Variants in SYNE1 observed in about 807,000 individuals in gnomAD.
SYNE1 encodes nesprin-1.
In SYNE1, 616 loss-of-function variants were observed where a neutral mutation model predicts 1,111.0. The observed-to-expected ratio is 0.55, with a 90% CI of 0.52 to 0.59. The LOEUF (loss-of-function observed/expected upper bound fraction) is 0.59. Ranked by LOEUF, SYNE1 falls within the 20% of genes least tolerant of loss-of-function variation. SYNE1 has a pLI of 0.00. For missense variants in SYNE1, 10,006 were observed against 10,417.0 expected, an observed-to-expected ratio of 0.96 and a Z score of 1.72; for synonymous variants, 3,855 against 3,825.8, an observed-to-expected ratio of 1.01 and a Z score of -0.28.
intron 111 of SYNE1, 36 bp from the exon 112 acceptor site, chr6:152,233,999 T>C (rs1395035758): frequency 3.7e-6 from 6 of 1,606,328 alleles, no homozygotes; most frequent in Non-Finnish European, 5.1e-6. Flanking sequence ...TAGGGTTAAA[T>C]AGCTAGACCA....
At chr6:152,541,531 G>A (rs552593650) in intron 3 of SYNE1, among the ~76,000 whole-genome samples, 17 of 152,030 alleles carry the variant, frequency 1.1e-4, no homozygotes, top group African/African-American at 1.4e-4. Context: ...GGCAGATTAC[G>A]AGGTCAGGAG....
At chr6:152,350,510 A>C in intron 71 of SYNE1, 108 bp downstream of exon 71, 1 of 1,532,158 alleles carries the variant, frequency 6.5e-7, no homozygotes, top group Non-Finnish European at 9.0e-7. Context: ...TGAATAAAAA[A>C]AAATACTAAC....
At chr6:152,184,631 T>TATAG (rs59272369) in intron 128 of SYNE1, among the ~76,000 whole-genome samples, 18,305 of 142,894 alleles carry the variant, frequency 0.13, 1,174 homozygotes, top group South Asian at 0.16. Context: ...TATACACATA[T>TATAG]ATAGATAGAT....
intron 106 of SYNE1, among the ~76,000 whole-genome samples, chr6:152,244,225 T>C (rs2086521990): frequency 6.6e-6 from 1 of 152,156 alleles, no homozygotes; most frequent in Non-Finnish European, 1.5e-5. Flanking sequence ...CTAGGTAGGA[T>C]TAAAAGTTAT....
At chr6:152,455,392 T>C (rs1422744162) in intron 24 of SYNE1, 34 bp downstream of exon 24, 1 of 1,600,960 alleles carries the variant, frequency 6.2e-7, no homozygotes, top group Non-Finnish European at 8.5e-7. Flanking sequence ...TGTCCATGTA[T>C]TCAGGTCAAG....
chr6:152,143,834 G>A, intron 137 of SYNE1, 69 bp from the exon 138 acceptor site: 4 of 1,607,906 alleles, frequency 2.5e-6, no homozygotes, highest in Non-Finnish European at 3.4e-6. Flanking sequence ...GATATTCAAG[G>A]AGAAGTTTCA....
intron 76 of SYNE1, chr6:152,335,308 C>T (rs2096359463): frequency 1.3e-5 from 2 of 152,124 alleles, no homozygotes; most frequent in Non-Finnish European, 2.9e-5. Context: ...ATGTGTATAT[C>T]TAAAACAAAT....
intron 3 of SYNE1, among the ~76,000 whole-genome samples, chr6:152,625,707 A>T (rs2099684339): frequency 6.6e-6 from 1 of 152,202 alleles, no homozygotes; most frequent in South Asian, 2.1e-4. Flanking sequence ...TAAAATTACT[A>T]GTTTTATACA....
chr6:152,614,294 C>T (rs1473550060), intron 3 of SYNE1, among the ~76,000 whole-genome samples: 1 of 152,054 alleles, frequency 6.6e-6, no homozygotes, highest in Non-Finnish European at 1.5e-5. Flanking sequence ...AAGAAAAAAA[C>T]AAACAACCCC....
chr6:152,437,632 G>A (rs777442212), intron 32 of SYNE1, among the ~76,000 whole-genome samples: 129 of 152,214 alleles, frequency 8.5e-4, no homozygotes, highest in Non-Finnish European at 4.0e-4. Context: ...GATGTTACCT[G>A]AATTTTGTCA....
chr6:152,586,280 T>G lies in SYNE1; in HGVS notation c.67+41985A>C, dbSNP rs1329177557. Among the ~76,000 whole-genome samples the G allele has an allele frequency of 2.0e-5, 3 of 152,164 alleles. 1 individual carries two copies. The highest frequency in any genetic ancestry group is 4.4e-5 in the Non-Finnish European group (3 of 68,018). On this transcript the variant is annotated intron_variant, in intron 3 of 145. Transcript: ENST00000367255. The stretch of plus-strand genomic sequence containing the variant: ...CTCAAGAGTGCAATTTTAGCTTAAT[T>G]TGTTATCTGACATCTTTATTGTGAG...
At chr6:152,217,500 G>A (rs2079038071) in intron 121 of SYNE1, among the ~76,000 whole-genome samples, 1 of 152,028 alleles carries the variant, frequency 6.6e-6, no homozygotes, top group Non-Finnish European at 1.5e-5. Flanking sequence ...AATGTGGAAT[G>A]ATTAAATCAA....
At chr6:152,216,075 T>C (rs2078570257) in intron 121 of SYNE1, among the ~76,000 whole-genome samples, 1 of 152,198 alleles carries the variant, frequency 6.6e-6, no homozygotes, top group African/African-American at 2.4e-5. Context: ...AGGAAATTGG[T>C]TACAGGAAAG....
chr6:152,155,926 T>C lies in SYNE1; in HGVS notation c.23962A>G (p.Met7988Val), dbSNP rs746456193. The change falls in exon 132 of 146, where the codon ATG (methionine) becomes GTG (valine). Residue 7988 changes from methionine (M) to valine (V), a missense_variant. By Grantham distance (21) the Met-to-Val change is conservative. Transcript: ENST00000367255. ...RRWRNICAMS[M>V]ERRLKIEETW... is the part of the protein sequence containing the mutation. ...CCAGCTCACTTCAGCCTCCTTTCCATGGACATAGCACAAATGTTTCTCCAC... is the reference window on the plus strand; with the variant it reads ...CCAGCTCACTTCAGCCTCCTTTCCACGGACATAGCACAAATGTTTCTCCAC... The C allele has an allele frequency of 8.7e-6, 14 of 1,614,012 alleles. No individual in the cohort carries two copies. Among genetic ancestry groups the C allele is most frequent in the Admixed American group, 8.3e-5 (5 of 60,002 alleles).
rs754631735 is a variant in SYNE1 at position 152,255,624 on chromosome 6, T to C, written c.19227A>G (p.Pro6409=). Residue 6409 remains proline, a synonymous_variant, in exon 103 of 146, where the codon CCA becomes CCG. Transcript: ENST00000367255. ...TGAAGAGACAAGTCTCTGTTTCTTC[T>C]GGTAAAAGTGCTGTGGCAACAAATA... ...ERLFVATALL[P]EETETCLFNQ... is the part of the protein sequence containing the mutation. The C allele has an allele frequency of 6.2e-6, 10 of 1,614,210 alleles. No homozygotes were observed. The South Asian group carries it at 7.7e-5, about 12-fold the overall frequency.
At chr6:152,529,698 T>A (rs776977537) in intron 4 of SYNE1, among the ~76,000 whole-genome samples, 2 of 152,210 alleles carry the variant, frequency 1.3e-5, no homozygotes, top group Non-Finnish European at 2.9e-5. Flanking sequence ...GCACAGTCTT[T>A]CAGAGGTGAA....
intron 52 of SYNE1, 104 bp from the exon 53 acceptor site, chr6:152,390,556 T>C: frequency 8.4e-7 from 1 of 1,188,292 alleles, no homozygotes; most frequent in Non-Finnish European, 1.2e-6. Flanking sequence ...ATACTTTACT[T>C]ACCTTAAAAT....
intron 39 of SYNE1, among the ~76,000 whole-genome samples, chr6:152,421,047 A>C (rs1376391818): frequency 6.6e-6 from 1 of 152,226 alleles, no homozygotes; most frequent in Non-Finnish European, 1.5e-5. Context: ...ATATTTTCAG[A>C]TATGATCAGA....
intron 42 of SYNE1, among the ~76,000 whole-genome samples, 176 bp from the exon 43 acceptor site, chr6:152,409,885 A>G (rs990906053): frequency 6.6e-6 from 1 of 152,202 alleles, no homozygotes; most frequent in African/African-American, 2.4e-5. Context: ...AATGTCTAAA[A>G]TATTCTCCGT....
Sources: gnomAD v4.1 joint callset for allele counts (sites outside exome capture counted in the v4.1 genomes callset) on GRCh38, gnomAD v4.1.1 for gene constraint, MANE v1.5 for transcripts, NCBI Gene and HGNC (gene_info 2026-07-23, HGNC 2026-07-21) for gene names.